Variants in ZMYM2 observed in about 807,000 individuals in gnomAD.
ZMYM2 encodes zinc finger MYM-type protein 2.
Under a neutral mutation model 162.8 loss-of-function variants are expected in ZMYM2, and 56 were observed. The observed-to-expected ratio is 0.34, with a 90% CI of 0.28 to 0.43. The LOEUF (loss-of-function observed/expected upper bound fraction) is 0.43, where lower values mean the gene tolerates loss of function less well. Among genes scored for constraint, ZMYM2 ranks in the 20% least tolerant of loss-of-function variants. The pLI is 1.00. For synonymous variants in ZMYM2, 510 were observed against 541.6 expected (o/e 0.94, Z 0.81); for missense variants, 1,275 against 1,621.8 (o/e 0.79, Z 3.67).
At chr13:20,083,347 C>T (rs1444674334) in intron 23 of ZMYM2, among the ~76,000 whole-genome samples, 1 of 152,200 alleles carries the variant, frequency 6.6e-6, no homozygotes, top group Non-Finnish European at 1.5e-5. Context: ...CAGGCGTGAG[C>T]CACCACGCAT....
At chr13:20,075,473 C>T (rs1190725799) in intron 21 of ZMYM2, among the ~76,000 whole-genome samples, 1 of 151,998 alleles carries the variant, frequency 6.6e-6, no homozygotes, top group Admixed American at 6.6e-5. Flanking sequence ...TGACTTTCCT[C>T]CACTGATTTT....
chr13:20,062,941 G>C lies in ZMYM2; in HGVS notation c.3007G>C (p.Asp1003His). ...CATGCCTGATGTACCATATGAACCAGATTTGGATATCGAAATAGATTTTCC... is the reference window on the plus strand; with the variant it reads ...CATGCCTGATGTACCATATGAACCACATTTGGATATCGAAATAGATTTTCC... ...SSMPDVPYEP[D>H]LDIEIDFPRA... The change falls in exon 18 of 25, where the codon GAT (aspartate) becomes CAT (histidine). Residue 1003 changes from aspartate to histidine, a missense_variant. By Grantham distance (81) the Asp-to-His change is moderately conservative. Transcript: ENST00000610343. 1 of 1,603,334 alleles carries C rather than the reference G, an allele frequency of 6.2e-7. No homozygotes were observed. Among genetic ancestry groups the C allele is most frequent in the South Asian group, 1.1e-5 (1 of 88,826 alleles).
chr13:19,911,018 T>C, the ZMYM2 span, among the ~76,000 whole-genome samples: 2 of 149,694 alleles, frequency 1.3e-5, no homozygotes, highest in African/African-American at 4.9e-5. Flanking sequence ...AAAAACAGAA[T>C]CGTAGCCCTT....
rs536031100 is a variant in ZMYM2 at position 20,032,024 on chromosome 13, C to T, written c.1968+589C>T. Among the ~76,000 whole-genome samples the T allele has an allele frequency of 4.2e-4, 64 of 152,132 alleles. No homozygotes were observed. The South Asian group carries it at 0.013, about 31-fold the overall frequency. On this transcript the variant is annotated intron_variant, in intron 10 of 24. Transcript: ENST00000610343. ...TAGCTGGGAATACGGGTGGGCACCACCATGCCCAGCTAATTTTTGTATTTT... is the reference window on the plus strand; with the variant it reads ...TAGCTGGGAATACGGGTGGGCACCATCATGCCCAGCTAATTTTTGTATTTT...
chr13:19,973,692 C>T (rs1276382440), intron 2 of ZMYM2, among the ~76,000 whole-genome samples: 2 of 145,940 alleles, frequency 1.4e-5, no homozygotes, highest in Non-Finnish European at 3.0e-5. Flanking sequence ...AAAAAAAACA[C>T]CAAAAAACAA....
chr13:19,896,944 G>T, the ZMYM2 span, among the ~76,000 whole-genome samples: 1 of 151,024 alleles, frequency 6.6e-6, no homozygotes, highest in South Asian at 2.1e-4. Flanking sequence ...GTGGTGGCAG[G>T]CGCCTGTAAT....
chr13:19,871,202 T>C, the ZMYM2 span, among the ~76,000 whole-genome samples: 1 of 152,256 alleles, frequency 6.6e-6, no homozygotes, highest in East Asian at 1.9e-4. Context: ...GGTAGCAATG[T>C]ATGGTTTATG....
chr13:19,982,281 C>CTTTTT lies in ZMYM2; in HGVS notation c.-10-10763_-10-10759dup, dbSNP rs56165263. ...TTTCACTGAGTTGTCTATTAGCTGT[C>CTTTTT]TTTTTTTTTTTTTTTTTTTTTTTGG... On this transcript the variant is annotated intron_variant, in intron 2 of 24. Coordinates refer to ENST00000610343, the MANE Select transcript of ZMYM2 (RefSeq NM_197968.4). 5.5e-3 allele frequency among the ~76,000 whole-genome samples: 473 copies of CTTTTT among 86,154 alleles called. 16 individuals are homozygous for CTTTTT. The highest frequency in any genetic ancestry group is 7.7e-3 in the South Asian group (14 of 1,820). 56.5% of individuals were successfully genotyped at this position (86,154 alleles called of 152,430 possible).
chr13:19,973,243 A>G (rs539106300), intron 2 of ZMYM2, among the ~76,000 whole-genome samples: 1 of 152,164 alleles, frequency 6.6e-6, no homozygotes, highest in South Asian at 2.1e-4. Flanking sequence ...AGCTACAAGT[A>G]TATATATTTA....
intron 6 of ZMYM2, among the ~76,000 whole-genome samples, chr13:20,009,038 G>A (rs1050545894): frequency 6.6e-6 from 1 of 151,984 alleles, no homozygotes; most frequent in East Asian, 1.9e-4. Flanking sequence ...CAGGAAAAGA[G>A]GTTTAAAAAC....
chr13:20,007,176 C>T (rs9579761), intron 6 of ZMYM2, among the ~76,000 whole-genome samples: 15,440 of 151,832 alleles, frequency 0.1, 1,292 homozygotes, highest in African/African-American at 0.22. Flanking sequence ...GCTCTTGTTT[C>T]CCAAGCTGGA....
intron 21 of ZMYM2, among the ~76,000 whole-genome samples, chr13:20,076,980 C>A (rs1017876543): frequency 6.7e-6 from 1 of 150,278 alleles, no homozygotes; most frequent in Non-Finnish European, 1.5e-5. Flanking sequence ...GGACTACAGG[C>A]CACCATGCCC....
the ZMYM2 span, among the ~76,000 whole-genome samples, chr13:19,910,052 TAA>T: frequency 3.8e-3 from 532 of 140,660 alleles, 1 homozygote; most frequent in Non-Finnish European, 4.0e-3. Flanking sequence ...CCATCTCTAG[TAA>T]AAAAAAAAAA....
chr13:19,924,891 T>G, the ZMYM2 span, among the ~76,000 whole-genome samples: 917 of 151,766 alleles, frequency 6.0e-3, 14 homozygotes, highest in Admixed American at 0.016. Flanking sequence ...TTTTTTTTTT[T>G]TTTTGTTTTG....
chr13:19,967,525 G>A (rs780320163), intron 2 of ZMYM2, among the ~76,000 whole-genome samples: 1 of 152,160 alleles, frequency 6.6e-6, no homozygotes, highest in Non-Finnish European at 1.5e-5. Context: ...TGTGGTGATT[G>A]TTGCAGAAGT....
chr13:19,912,297 T>G, the ZMYM2 span, among the ~76,000 whole-genome samples: 112 of 150,488 alleles, frequency 7.4e-4, no homozygotes, highest in African/African-American at 2.6e-3. Context: ...TTTGGGTTTT[T>G]TTTTTTTTTT....
At chr13:19,923,220 G>C in the ZMYM2 span, among the ~76,000 whole-genome samples, 1 of 148,544 alleles carries the variant, frequency 6.7e-6, no homozygotes, top group Non-Finnish European at 1.5e-5. Context: ...AACCAGGCCT[G>C]ATGGCGGGCG....
intron 2 of ZMYM2, among the ~76,000 whole-genome samples, chr13:19,975,072 A>G (rs1436857736): frequency 6.6e-6 from 1 of 151,746 alleles, no homozygotes. Flanking sequence ...CATTGATTGT[A>G]GGAGCTCTTT....
In ZMYM2 at chr13:19,993,930, A is replaced by G. The variant is rs202240321; in HGVS notation, c.847+11A>G. On this transcript the variant is annotated intron_variant, in intron 3 of 24. Coordinates refer to ENST00000610343, the MANE Select transcript of ZMYM2 (RefSeq NM_197968.4). ...CTCATCATAATCCTGGTAAGCAGTA[A>G]GAGATACTCTACTTCATGTAAATGA... The G allele has an allele frequency of 1.9e-6, 3 of 1,598,248 alleles. No individual in the cohort carries two copies. Among genetic ancestry groups the G allele is most frequent in the Admixed American group, 3.6e-5 (2 of 56,316 alleles).
Sources: gnomAD v4.1 joint callset for allele counts (sites outside exome capture counted in the v4.1 genomes callset) on GRCh38, gnomAD v4.1.1 for gene constraint, MANE v1.5 for transcripts, NCBI Gene and HGNC (gene_info 2026-07-23, HGNC 2026-07-21) for gene names.